Variants in KCNMA1 observed in about 807,000 individuals in gnomAD.
KCNMA1 encodes the protein Calcium-activated potassium channel subunit alpha-1.
Under a neutral mutation model 140.0 loss-of-function variants are expected in KCNMA1, and 29 were observed. The ratio of observed to expected loss-of-function variants is 0.21; its 90% CI spans 0.15 to 0.28. The LOEUF is 0.28. KCNMA1 is among the 10% of genes least tolerant of loss of function. The pLI is 1.00. For missense variants in KCNMA1, 880 were observed against 1,602.2 expected (o/e 0.55, Z 7.70); for synonymous variants, 612 against 611.9 (o/e 1.00, Z 0.00).
At chr10:77,578,777 T>C (rs760252637) in intron 1 of KCNMA1, among the ~76,000 whole-genome samples, 3 of 152,208 alleles carry the variant, frequency 2.0e-5, no homozygotes, top group Non-Finnish European at 2.9e-5. Flanking sequence ...TCCTAGCCAC[T>C]GGCCAGGGCA....
intron 1 of KCNMA1, chr10:77,433,598 A>C (rs1475941624): frequency 6.6e-6 from 1 of 152,272 alleles, no homozygotes; most frequent in Non-Finnish European, 1.5e-5. Context: ...TCATCTCCTC[A>C]AAATCTTTCA....
rs1486636115 is a variant in KCNMA1, at chr10:77,112,397, C to T, written c.930G>A (p.Thr310=). ...GGATGAACCCGGCTGCAGTCAGCCACGTGCTGATAAATATGGAGAGCAGAT... is the reference window on the plus strand; with the variant it reads ...GGATGAACCCGGCTGCAGTCAGCCATGTGCTGATAAATATGGAGAGCAGAT... ...LVNLLSIFIS[T]WLTAAGFIHL... is the part of the protein sequence containing the mutation. The change falls in exon 7 of 28, where the codon ACG becomes ACA. Residue 310 remains threonine (T), a synonymous_variant. Coordinates refer to ENST00000286628, the MANE Select transcript of KCNMA1 (RefSeq NM_001161352.2). 7.4e-6 allele frequency: 12 copies of T among 1,613,782 alleles called. No individual in the cohort carries two copies. Among genetic ancestry groups the T allele is most frequent in the East Asian group, 2.2e-5 (1 of 44,888 alleles).
intron 19 of KCNMA1, among the ~76,000 whole-genome samples, chr10:76,982,532 G>T (rs184836024): frequency 6.7e-4 from 102 of 152,248 alleles, no homozygotes; most frequent in African/African-American, 2.3e-3. Context: ...ACCAAGGCAA[G>T]GTGGTTGGAA....
At chr10:77,567,587 C>T (rs1371766170) in intron 1 of KCNMA1, among the ~76,000 whole-genome samples, 1 of 152,204 alleles carries the variant, frequency 6.6e-6, no homozygotes, top group Non-Finnish European at 1.5e-5. Flanking sequence ...AAAGTAAAGG[C>T]TAAAGGGAAA....
chr10:76,924,847 A>G (rs1430991436), intron 23 of KCNMA1, among the ~76,000 whole-genome samples: 1 of 152,166 alleles, frequency 6.6e-6, no homozygotes, highest in Non-Finnish European at 1.5e-5. Flanking sequence ...GGCAGTGAAG[A>G]GCCCAAGAAA....
At chr10:77,288,678 GA>G (rs2071942151) in intron 2 of KCNMA1, among the ~76,000 whole-genome samples, 1 of 152,182 alleles carries the variant, frequency 6.6e-6, no homozygotes, top group Admixed American at 6.5e-5. Flanking sequence ...TCTGTCTCCA[GA>G]AATGCTGCTT....
At chr10:77,545,077 G>T (rs546276841) in intron 1 of KCNMA1, among the ~76,000 whole-genome samples, 1 of 152,130 alleles carries the variant, frequency 6.6e-6, no homozygotes, top group South Asian at 2.1e-4. Context: ...AGTTTAAATG[G>T]AATCATGAAG....
intron 25 of KCNMA1, among the ~76,000 whole-genome samples, chr10:76,906,676 T>C (rs1035015225): frequency 6.6e-6 from 1 of 152,184 alleles, no homozygotes; most frequent in Admixed American, 6.5e-5. Context: ...GCAATGAAAG[T>C]TTACCTCTGT....
chr10:77,609,220 A>G (rs530041765), intron 1 of KCNMA1, among the ~76,000 whole-genome samples: 122 of 152,384 alleles, frequency 8.0e-4, no homozygotes, highest in Non-Finnish European at 1.4e-3. Flanking sequence ...GATGATGGAT[A>G]AAGAAATTGT....
rs368592355 is a variant in KCNMA1, at chr10:77,128,912, T to G, written c.809-7864A>C. On this transcript the variant is annotated intron_variant, in intron 5 of 27. Transcript: ENST00000286628. ...CTGATACTGTGCATTTCTAACAAGC[T>G]CTAAGCTATCGTCAATGCTGTTGGT... Among the ~76,000 whole-genome samples the G allele has an allele frequency of 8.7e-4, 133 of 152,296 alleles. 3 individuals are homozygous for G. The South Asian group carries it at 0.026, about 30-fold the overall frequency.
chr10:76,903,461 A>T (rs2046431941), intron 25 of KCNMA1: 1 of 151,902 alleles, frequency 6.6e-6, no homozygotes, highest in Non-Finnish European at 1.5e-5. Flanking sequence ...GATGAAAATG[A>T]TTGGATTTTT....
chr10:77,445,257 C>T (rs2097502698), intron 1 of KCNMA1, among the ~76,000 whole-genome samples: 1 of 152,086 alleles, frequency 6.6e-6, no homozygotes, highest in South Asian at 2.1e-4. Context: ...CTGAGGCAGG[C>T]CCCACAGGTG....
At chr10:77,018,029 C>G (rs951310678) in intron 17 of KCNMA1, among the ~76,000 whole-genome samples, 4 of 152,144 alleles carry the variant, frequency 2.6e-5, no homozygotes, top group African/African-American at 7.2e-5. Flanking sequence ...CCACTCTGGG[C>G]TCCACCACTT....
chr10:77,039,153 C>T (rs2094508154), intron 15 of KCNMA1: 3 of 311,774 alleles, frequency 9.6e-6, no homozygotes, highest in African/African-American at 4.2e-5. Context: ...GATTAAAATT[C>T]CTTTCATTGA....
At chr10:77,255,388 C>T (rs1159556491) in intron 2 of KCNMA1, among the ~76,000 whole-genome samples, 6 of 151,266 alleles carry the variant, frequency 4.0e-5, no homozygotes, top group Admixed American at 1.3e-4. Context: ...TCACTTGAGG[C>T]CAGGAGTTCT....
rs1253872471 is a variant in KCNMA1 at position 76,891,561 on chromosome 10, C to T, written c.3306G>A (p.Gln1102=). 6.2e-7 allele frequency: 1 copy of T among 1,613,846 alleles called. No individual in the cohort carries two copies. Among genetic ancestry groups the T allele is most frequent in the South Asian group, 1.1e-5 (1 of 91,080 alleles). Residue 1102 remains glutamine, a synonymous_variant, in exon 26 of 28, where the codon CAG becomes CAA. Coordinates refer to ENST00000286628, the MANE Select transcript of KCNMA1 (RefSeq NM_001161352.2). The part of the protein sequence containing the change: ...LANRDRCRVA[Q]LALLDGPFAD... ...CAAATGGCCCATCGAGCAGAGCTAA[C>T]TGGGCCACGCGGCAGCGGTCCCTAT...
At position 77,207,869 on chromosome 10, in the gene KCNMA1, C is replaced by T. The variant is rs559484365; in HGVS notation, c.603-22953G>A. ...TCCCTGCTGACAACTTTCTACCTCACTACAATCCACTTTAATCTTTGCATT... is the reference window on the plus strand; with the variant it reads ...TCCCTGCTGACAACTTTCTACCTCATTACAATCCACTTTAATCTTTGCATT... On this transcript the variant is annotated intron_variant, in intron 3 of 27. Transcript: ENST00000286628. 5.3e-5 allele frequency among the ~76,000 whole-genome samples: 8 copies of T among 152,348 alleles called. No individual in the cohort carries two copies. In the South Asian group the frequency reaches 1.7e-3, roughly 32 times the overall value.
At chr10:77,071,857 T>C (rs538112466) in intron 14 of KCNMA1, among the ~76,000 whole-genome samples, 34 of 152,326 alleles carry the variant, frequency 2.2e-4, no homozygotes, top group Admixed American at 5.9e-4. Context: ...ATAATGCCGA[T>C]TTGGCAGGTA....
At chr10:77,316,648 C>A (rs979915775) in intron 2 of KCNMA1, among the ~76,000 whole-genome samples, 1 of 152,112 alleles carries the variant, frequency 6.6e-6, no homozygotes, top group African/African-American at 2.4e-5. Context: ...CTAGAGCTGG[C>A]TATCTATGCT....
Sources: gnomAD v4.1 joint callset for allele counts (sites outside exome capture counted in the v4.1 genomes callset) on GRCh38, gnomAD v4.1.1 for gene constraint, MANE v1.5 for transcripts, NCBI Gene and HGNC (gene_info 2026-07-23, HGNC 2026-07-21) for gene names.